Variants in LINGO2 observed in about 807,000 individuals in gnomAD.
The protein encoded by LINGO2 is leucine rich repeat and Ig domain containing 2.
LINGO2 carries 14 observed loss-of-function variants against 30.6 expected under a neutral mutation model. That is an observed-to-expected ratio of 0.46 (90% CI 0.30 to 0.72). The LOEUF (loss-of-function observed/expected upper bound fraction) is 0.72. LINGO2 is among the 30% of genes least tolerant of loss of function. LINGO2 has a pLI of 0.07. For missense variants in LINGO2, 729 were observed against 751.7 expected (o/e 0.97, Z 0.35); for synonymous variants, 317 against 288.5 (o/e 1.10, Z -1.00).
At chr9:28,492,370 T>G (rs546098005) in intron 1 of LINGO2, among the ~76,000 whole-genome samples, 2 of 152,298 alleles carry the variant, frequency 1.3e-5, no homozygotes, top group Non-Finnish European at 2.9e-5. Context: ...ACCTGAAAGC[T>G]TTATGCTAGC....
rs142790938 is a variant in LINGO2, at chr9:28,138,450, G to T, written c.-86-126045C>A. Among the ~76,000 whole-genome samples, 26 of 152,242 alleles carry T rather than the reference G, an allele frequency of 1.7e-4. 1 individual carries two copies. The highest frequency in any genetic ancestry group is 6.3e-4 in the African/African-American group (26 of 41,546). ...GAATTAAAAGTTTTAATTTTGCCCA[G>T]CTCATCAAATGCAGAATTGACACAT... On this transcript the variant is annotated intron_variant, in intron 4 of 5. Coordinates refer to ENST00000379992, the Ensembl canonical transcript of LINGO2.
chr9:28,741,561 G>A, the LINGO2 span, among the ~76,000 whole-genome samples: 4 of 152,006 alleles, frequency 2.6e-5, no homozygotes, highest in African/African-American at 9.7e-5. Context: ...CTTGAAGCCT[G>A]AGGTTGTGGG....
the LINGO2 span, among the ~76,000 whole-genome samples, chr9:28,790,325 C>CTTTTTT: frequency 4.0e-4 from 42 of 106,266 alleles, no homozygotes; most frequent in African/African-American, 4.3e-4. Context: ...TCTTTTCTTT[C>CTTTTTT]TTTTTTTTTT....
At chr9:28,364,198 T>A (rs968693015) in intron 3 of LINGO2, among the ~76,000 whole-genome samples, 3 of 152,208 alleles carry the variant, frequency 2.0e-5, no homozygotes, top group African/African-American at 7.2e-5. Context: ...TGATTAGACA[T>A]AACAGTTTGG....
At chr9:28,230,952 TAATGA>T (rs1367660554) in intron 4 of LINGO2, among the ~76,000 whole-genome samples, 1 of 151,990 alleles carries the variant, frequency 6.6e-6, no homozygotes, top group Non-Finnish European at 1.5e-5. Flanking sequence ...GCAACTTAAC[TAATGA>T]AATAGTCATG....
chr9:29,055,950 A>G, the LINGO2 span, among the ~76,000 whole-genome samples: 2 of 143,982 alleles, frequency 1.4e-5, no homozygotes, highest in African/African-American at 5.1e-5. Context: ...GTATATATAC[A>G]TATATATGTA....
intron 1 of LINGO2, among the ~76,000 whole-genome samples, chr9:28,506,498 A>G (rs1260279162): frequency 8.5e-6 from 1 of 117,704 alleles, no homozygotes; most frequent in East Asian, 2.4e-4. Context: ...ACACACACAC[A>G]CACAGACATA....
chr9:28,279,302 G>A (rs1346052019), intron 4 of LINGO2, among the ~76,000 whole-genome samples: 1 of 152,124 alleles, frequency 6.6e-6, no homozygotes, highest in African/African-American at 2.4e-5. Context: ...TTGAGAGAAT[G>A]GATTCCAATT....
Position 28,191,170 on chromosome 9 carries a change from G to A in LINGO2, c.-87+104038C>T, listed in dbSNP as rs1360570354. ...GGTCCCATGGTTAAATTGGCTCTAGGCAGGCAAGCTGGGCTTTCTGACAAG... is the reference window on the plus strand; with the variant it reads ...GGTCCCATGGTTAAATTGGCTCTAGACAGGCAAGCTGGGCTTTCTGACAAG... On this transcript the variant is annotated intron_variant, in intron 4 of 5. Transcript: ENST00000379992. Among the ~76,000 whole-genome samples, 3 of 152,164 alleles carry A rather than the reference G, an allele frequency of 2.0e-5. No homozygotes were observed. The East Asian group carries it at 5.8e-4, about 29-fold the overall frequency.
At chr9:29,103,721 C>G in the LINGO2 span, among the ~76,000 whole-genome samples, 1 of 152,104 alleles carries the variant, frequency 6.6e-6, no homozygotes, top group South Asian at 2.1e-4. Flanking sequence ...CATTCCTAGT[C>G]AATACCAATA....
chr9:28,041,863 T>C (rs1256532945), intron 4 of LINGO2, among the ~76,000 whole-genome samples: 1 of 152,170 alleles, frequency 6.6e-6, no homozygotes, highest in Non-Finnish European at 1.5e-5. Flanking sequence ...GTACCTGGAA[T>C]AATATTTTCA....
At chr9:29,007,623 G>A in the LINGO2 span, among the ~76,000 whole-genome samples, 8 of 151,928 alleles carry the variant, frequency 5.3e-5, no homozygotes, top group Non-Finnish European at 8.8e-5. Flanking sequence ...ATATGAACAC[G>A]TCTTGGGAAG....
At chr9:28,281,432 T>A (rs774525695) in intron 4 of LINGO2, among the ~76,000 whole-genome samples, 4 of 151,608 alleles carry the variant, frequency 2.6e-5, no homozygotes, top group Non-Finnish European at 4.4e-5. Flanking sequence ...AATAAATTCA[T>A]ATGCATATTC....
intron 4 of LINGO2, among the ~76,000 whole-genome samples, chr9:28,273,442 G>T (rs1477291311): frequency 6.6e-6 from 1 of 152,136 alleles, no homozygotes; most frequent in Non-Finnish European, 1.5e-5. Context: ...TTCACTCAGG[G>T]AAAATGGTCC....
chr9:28,338,897 C>T (rs1486247612), intron 3 of LINGO2, among the ~76,000 whole-genome samples: 1 of 151,948 alleles, frequency 6.6e-6, no homozygotes, highest in Non-Finnish European at 1.5e-5. Context: ...CAAATGAATA[C>T]ACCACCCCCT....
chr9:29,024,636 A>C, the LINGO2 span, among the ~76,000 whole-genome samples: 2 of 152,136 alleles, frequency 1.3e-5, no homozygotes, highest in South Asian at 4.1e-4. Context: ...TATTTTAACT[A>C]TCTGGTCCCA....
At chr9:28,689,081 C>A in the LINGO2 span, among the ~76,000 whole-genome samples, 2 of 152,164 alleles carry the variant, frequency 1.3e-5, no homozygotes, top group Non-Finnish European at 2.9e-5. Flanking sequence ...TTCTGTAAGA[C>A]TGTCTTGTAA....
the LINGO2 span, among the ~76,000 whole-genome samples, chr9:28,789,485 C>T: frequency 1.3e-5 from 2 of 152,106 alleles, no homozygotes; most frequent in Non-Finnish European, 2.9e-5. Context: ...GGCCTCATCT[C>T]TATCTCTAGG....
At chr9:28,609,123 T>G (rs1587953812) in intron 1 of LINGO2, among the ~76,000 whole-genome samples, 1 of 151,452 alleles carries the variant, frequency 6.6e-6, no homozygotes, top group African/African-American at 2.4e-5. Flanking sequence ...AAGACAATAT[T>G]TGAAAATCCA....
Sources: allele counts gnomAD v4.1 joint callset (sites outside exome capture counted in the v4.1 genomes callset), GRCh38; gene constraint gnomAD v4.1.1; transcripts MANE v1.5; gene names NCBI Gene and HGNC (gene_info 2026-07-23, HGNC 2026-07-21).